ESRRG: variants seen among roughly 807,000 people sequenced by gnomAD.
ESRRG encodes estrogen related receptor gamma.
A neutral mutation model predicts 44.0 loss-of-function variants in ESRRG; 13 were observed. That is an observed-to-expected ratio of 0.30 (90% confidence interval 0.19 to 0.47). ESRRG has a LOEUF of 0.47. Among genes scored for constraint, ESRRG ranks in the 20% least tolerant of loss-of-function variants. The pLI is 1.00. For synonymous variants in ESRRG, 215 were observed against 214.6 expected (o/e 1.00, Z -0.02); for missense variants, 395 against 580.6 (o/e 0.68, Z 3.29).
At position 216,505,213 on chromosome 1, in the gene ESRRG, T is replaced by G. The variant is rs1463671417; in HGVS notation, c.*1726A>C. 6.6e-6 allele frequency: 1 copy of G among 152,650 alleles called. No individual in the cohort carries two copies. Among genetic ancestry groups the G allele is most frequent in the Admixed American group, 6.5e-5 (1 of 15,276 alleles). The allele number at this position is 152,650 out of a possible 1,614,324, so 9.5% of individuals were successfully genotyped here. A position where few individuals can be genotyped will look rare whatever the true frequency, so the allele number is the denominator to read the frequency against. On this transcript the variant is annotated 3_prime_UTR_variant, in exon 7 of 7. Transcript: ENST00000408911. ...ATAGCATTTGATGGAGGTTACTGTT[T>G]ATTGGTTATTCAGCGACTGTAGATT...
At chr1:216,692,164 G>C (rs956573130) in intron 1 of ESRRG, among the ~76,000 whole-genome samples, 1 of 151,996 alleles carries the variant, frequency 6.6e-6, no homozygotes, top group South Asian at 2.1e-4. Flanking sequence ...AGGTCCTTCA[G>C]GAGGTATTTC....
At chr1:216,762,788 C>T (rs79513399) in intron 2 of ESRRG, among the ~76,000 whole-genome samples, 3,403 of 152,026 alleles carry the variant, frequency 0.022, 55 homozygotes, top group Non-Finnish European at 0.031. Flanking sequence ...TTTTCTGCAA[C>T]AGTTCTTAGG....
At chr1:217,048,317 A>C (rs926076503) in intron 1 of ESRRG, among the ~76,000 whole-genome samples, 8 of 152,212 alleles carry the variant, frequency 5.3e-5, no homozygotes, top group African/African-American at 1.9e-4. Context: ...TTCCAGATGG[A>C]ACACGGAGTC....
intron 2 of ESRRG, among the ~76,000 whole-genome samples, chr1:216,871,873 T>C (rs955927812): frequency 3.9e-5 from 6 of 152,096 alleles, no homozygotes; most frequent in Non-Finnish European, 7.4e-5. Flanking sequence ...TTGTCTATTA[T>C]AGGTACCCCA....
At chr1:216,897,145 G>T (rs538932104) in intron 2 of ESRRG, among the ~76,000 whole-genome samples, 1 of 152,166 alleles carries the variant, frequency 6.6e-6, no homozygotes, top group African/African-American at 2.4e-5. Context: ...AGTAACCCTG[G>T]GAAGAAATGA....
chr1:216,707,886 A>C (rs949307722), intron 1 of ESRRG, among the ~76,000 whole-genome samples: 1 of 152,228 alleles, frequency 6.6e-6, no homozygotes, highest in Non-Finnish European at 1.5e-5. Context: ...AATCAATTTT[A>C]AACTGATATT....
intron 2 of ESRRG, among the ~76,000 whole-genome samples, chr1:216,905,430 A>G (rs1258805859): frequency 6.6e-6 from 1 of 152,046 alleles, no homozygotes; most frequent in Non-Finnish European, 1.5e-5. Flanking sequence ...CTCCTTGTTC[A>G]GCTCTCGGCT....
chr1:217,118,232 C>T (rs72743324), intron 1 of ESRRG, among the ~76,000 whole-genome samples: 1 of 152,118 alleles, frequency 6.6e-6, no homozygotes, highest in East Asian at 1.9e-4. Flanking sequence ...AGAAATTAAC[C>T]CAAACAGTCT....
intron 2 of ESRRG, among the ~76,000 whole-genome samples, chr1:216,661,544 T>G (rs2072420175): frequency 6.6e-6 from 1 of 152,196 alleles, no homozygotes; most frequent in South Asian, 2.1e-4. Context: ...TTATGGTGAC[T>G]TTTGCAGACC....
At chr1:216,979,392 C>T (rs181686369) in intron 1 of ESRRG, among the ~76,000 whole-genome samples, 6 of 152,240 alleles carry the variant, frequency 3.9e-5, no homozygotes, top group African/African-American at 1.4e-4. Flanking sequence ...TTCCATCCCC[C>T]ATTCCACACC....
At chr1:216,738,995 T>C (rs2090329516) in intron 2 of ESRRG, among the ~76,000 whole-genome samples, 1 of 152,074 alleles carries the variant, frequency 6.6e-6, no homozygotes, top group South Asian at 2.1e-4. Context: ...GGATTACAGG[T>C]ATGTCCCACT....
intron 2 of ESRRG, among the ~76,000 whole-genome samples, chr1:216,892,831 T>C (rs984256561): frequency 6.6e-6 from 1 of 152,110 alleles, no homozygotes; most frequent in African/African-American, 2.4e-5. Context: ...CCGCCCTGCT[T>C]GGCACCTCTA....
chr1:216,666,994 ATGAT>A (rs2151323841), intron 2 of ESRRG, among the ~76,000 whole-genome samples: 1 of 152,284 alleles, frequency 6.6e-6, no homozygotes, highest in South Asian at 2.1e-4. Context: ...CCATAAGAGA[ATGAT>A]TGAATCGGGA....
chr1:216,989,521 G>A (rs959650255), intron 1 of ESRRG, among the ~76,000 whole-genome samples: 3 of 151,512 alleles, frequency 2.0e-5, no homozygotes, highest in Non-Finnish European at 4.4e-5. Flanking sequence ...CAACCAATAG[G>A]TGAAAATAGG....
At chr1:216,521,418 AC>A (rs1230939899) in intron 5 of ESRRG, among the ~76,000 whole-genome samples, 2 of 151,996 alleles carry the variant, frequency 1.3e-5, no homozygotes, top group African/African-American at 4.8e-5. Context: ...AAGAAAACAT[AC>A]TAAGTAAGAA....
intron 2 of ESRRG, among the ~76,000 whole-genome samples, chr1:216,904,992 A>C (rs2059531196): frequency 6.6e-6 from 1 of 152,218 alleles, no homozygotes; most frequent in Admixed American, 6.5e-5. Context: ...ATTTTATTTC[A>C]TTCAAACTAG....
At chr1:216,639,662 G>C (rs1485679506) in intron 3 of ESRRG, among the ~76,000 whole-genome samples, 1 of 152,142 alleles carries the variant, frequency 6.6e-6, no homozygotes, top group Non-Finnish European at 1.5e-5. Flanking sequence ...AAATGGTGCA[G>C]ACATAATAAA....
At chr1:217,050,113 T>C (rs2085637324) in intron 1 of ESRRG, among the ~76,000 whole-genome samples, 1 of 152,124 alleles carries the variant, frequency 6.6e-6, no homozygotes, top group Non-Finnish European at 1.5e-5. Flanking sequence ...TCAAAGAACC[T>C]TATTAGAAGG....
chr1:216,560,280 C>A (rs2058467725), intron 5 of ESRRG, among the ~76,000 whole-genome samples: 1 of 152,050 alleles, frequency 6.6e-6, no homozygotes, highest in Non-Finnish European at 1.5e-5. Flanking sequence ...TGAGGCCCCC[C>A]AAACTTGAGC....
Sources: gnomAD v4.1 joint callset for allele counts (sites outside exome capture counted in the v4.1 genomes callset) on GRCh38, gnomAD v4.1.1 for gene constraint, MANE v1.5 for transcripts, NCBI Gene and HGNC (gene_info 2026-07-23, HGNC 2026-07-21) for gene names.